The following GRB14 variants were observed in gnomAD, a reference collection of about 807,000 sequenced individuals.
GRB14 encodes the protein growth factor receptor-bound protein 14.
In GRB14, 38 loss-of-function variants were observed where a neutral mutation model predicts 69.1. The observed-to-expected ratio is 0.55, with a 90% confidence interval of 0.42 to 0.72. The LOEUF (loss-of-function observed/expected upper bound fraction) is 0.72. GRB14 is among the 30% of genes least tolerant of loss of function. The pLI is 0.00. For missense variants in GRB14, 666 were observed against 666.1 expected (o/e 1.00, Z 0.00); for synonymous variants, 247 against 241.3 (o/e 1.02, Z -0.22).
At chr2:164,618,858 C>G (rs190327256) in intron 2 of GRB14, among the ~76,000 whole-genome samples, 93 of 152,300 alleles carry the variant, frequency 6.1e-4, no homozygotes, top group African/African-American at 2.1e-3. Flanking sequence ...TTTCAAGTAC[C>G]TGGCTATTTC....
chr2:164,532,441 C>A (rs1041416832), intron 3 of GRB14, among the ~76,000 whole-genome samples: 15 of 152,110 alleles, frequency 9.9e-5, no homozygotes, highest in African/African-American at 3.6e-4. Context: ...TCTCTAGAAC[C>A]TGTAAATGTT....
intron 3 of GRB14, among the ~76,000 whole-genome samples, chr2:164,529,165 C>A (rs1007936956): frequency 2.0e-5 from 3 of 152,062 alleles, no homozygotes; most frequent in African/African-American, 4.8e-5. Context: ...TACAAAAGAA[C>A]AAATGCTGTA....
intron 3 of GRB14, among the ~76,000 whole-genome samples, chr2:164,542,393 A>G (rs1416538246): frequency 6.6e-6 from 1 of 152,202 alleles, no homozygotes; most frequent in Admixed American, 6.5e-5. Context: ...AAACAAAAAT[A>G]GACAAGTGGA....
intron 2 of GRB14, among the ~76,000 whole-genome samples, chr2:164,617,600 T>A (rs1690328628): frequency 6.6e-6 from 1 of 152,074 alleles, no homozygotes; most frequent in Admixed American, 6.6e-5. Context: ...CCAACACCTC[T>A]TCTCACTTTC....
At chr2:164,499,731 G>C (rs1687000631) in intron 9 of GRB14, among the ~76,000 whole-genome samples, 1 of 152,130 alleles carries the variant, frequency 6.6e-6, no homozygotes, top group South Asian at 2.1e-4. Flanking sequence ...AATTCTTAGT[G>C]AGGCTGCACA....
intron 2 of GRB14, chr2:164,573,804 T>C (rs772708533): frequency 1.9e-4 from 305 of 1,612,828 alleles, no homozygotes; most frequent in Middle Eastern, 7.7e-4. Context: ...ATTAACATGT[T>C]GGCAGATAAA....
intron 2 of GRB14, among the ~76,000 whole-genome samples, chr2:164,609,013 T>TG (rs1690106220): frequency 6.6e-6 from 1 of 152,180 alleles, no homozygotes; most frequent in African/African-American, 2.4e-5. Flanking sequence ...AAAGAAATCA[T>TG]GTATATGTTT....
At chr2:164,568,864 C>T (rs1483070922) in intron 2 of GRB14, among the ~76,000 whole-genome samples, 2 of 152,104 alleles carry the variant, frequency 1.3e-5, no homozygotes, top group Non-Finnish European at 2.9e-5. Context: ...TCAACTGGAA[C>T]ATACACAAGG....
chr2:164,618,993 T>C (rs1476203463), intron 2 of GRB14, among the ~76,000 whole-genome samples: 1 of 151,660 alleles, frequency 6.6e-6, no homozygotes, highest in Admixed American at 6.6e-5. Context: ...TGATACACTA[T>C]TTTTTTCCCC....
intron 2 of GRB14, among the ~76,000 whole-genome samples, chr2:164,598,310 T>C (rs1303507921): frequency 6.6e-6 from 1 of 152,208 alleles, no homozygotes; most frequent in Non-Finnish European, 1.5e-5. Context: ...AGGTATTAAA[T>C]TGAATTTTGA....
intron 3 of GRB14, among the ~76,000 whole-genome samples, chr2:164,533,730 C>T (rs1460791440): frequency 6.6e-6 from 1 of 152,080 alleles, no homozygotes; most frequent in African/African-American, 2.4e-5. Context: ...ACAGCTATGA[C>T]AAATGTGTAA....
chr2:164,531,005 T>TA (rs766086913), intron 3 of GRB14, among the ~76,000 whole-genome samples: 6 of 151,880 alleles, frequency 4.0e-5, no homozygotes, highest in Non-Finnish European at 7.4e-5. Context: ...TTGATGTGGT[T>TA]AAAAAAAATA....
intron 6 of GRB14, among the ~76,000 whole-genome samples, chr2:164,519,058 G>T (rs749620880): frequency 9.2e-5 from 14 of 151,906 alleles, no homozygotes; most frequent in Non-Finnish European, 1.9e-4. Context: ...ACCAGGAAAG[G>T]ACACAACAAA....
Position 164,577,119 on chromosome 2 carries a change from G to A in GRB14, c.325-29303C>T, listed in dbSNP as rs114836354. Among the ~76,000 whole-genome samples, 544 of 152,306 alleles carry A rather than the reference G, an allele frequency of 3.6e-3. 5 individuals carry two copies. The highest frequency in any genetic ancestry group is 0.012 in the African/African-American group (508 of 41,570). ...CTATAGAAGAAAGACAGTTGTCAAAGAGATACTGCTAAAAATTGTGGCCAA... is the reference window on the plus strand; with the variant it reads ...CTATAGAAGAAAGACAGTTGTCAAAAAGATACTGCTAAAAATTGTGGCCAA... On this transcript the variant is annotated intron_variant, in intron 2 of 13. Transcript: ENST00000263915.
intron 3 of GRB14, among the ~76,000 whole-genome samples, chr2:164,528,189 G>A (rs1433297988): frequency 6.6e-6 from 1 of 152,054 alleles, no homozygotes; most frequent in East Asian, 1.9e-4. Flanking sequence ...AATCACTGGG[G>A]TGAGTACAAT....
chr2:164,600,880 A>T (rs1363374935), intron 2 of GRB14, among the ~76,000 whole-genome samples: 2 of 152,174 alleles, frequency 1.3e-5, no homozygotes, highest in East Asian at 3.8e-4. Flanking sequence ...ATTTATTATA[A>T]TGATGAGTAT....
At chr2:164,532,763 G>A (rs1687980603) in intron 3 of GRB14, among the ~76,000 whole-genome samples, 1 of 152,156 alleles carries the variant, frequency 6.6e-6, no homozygotes, top group South Asian at 2.1e-4. Context: ...TATTTTTTAA[G>A]CCACCAAATT....
chr2:164,572,294 C>T (rs1689141375), intron 2 of GRB14, among the ~76,000 whole-genome samples: 1 of 152,190 alleles, frequency 6.6e-6, no homozygotes, highest in Non-Finnish European at 1.5e-5. Context: ...TCTCTTCTCC[C>T]ACTCAACTTC....
intron 8 of GRB14, among the ~76,000 whole-genome samples, chr2:164,503,929 G>T (rs1687127350): frequency 6.6e-6 from 1 of 152,128 alleles, no homozygotes; most frequent in Non-Finnish European, 1.5e-5. Flanking sequence ...TGGACAAGAG[G>T]TAGGGCGGGG....
Sources: allele counts gnomAD v4.1 joint callset (sites outside exome capture counted in the v4.1 genomes callset), GRCh38; gene constraint gnomAD v4.1.1; transcripts MANE v1.5; gene names NCBI Gene and HGNC (gene_info 2026-07-23, HGNC 2026-07-21).